AKR1C2: variants seen among roughly 807,000 people sequenced by gnomAD.
AKR1C2 encodes aldo-keto reductase family 1 member C2.
AKR1C2 carries 27 observed loss-of-function variants against 39.8 expected under a neutral mutation model. The ratio of observed to expected loss-of-function variants is 0.68; its 90% CI spans 0.50 to 0.93. AKR1C2 has a LOEUF of 0.93. AKR1C2 is among the 40% of genes least tolerant of loss of function. The pLI, the probability that AKR1C2 is intolerant of heterozygous loss-of-function variation, is 0.00. For synonymous variants in AKR1C2, 114 were observed against 137.9 expected, an observed-to-expected ratio of 0.83 and a Z score of 1.22; for missense variants, 263 against 365.1, an observed-to-expected ratio of 0.72 and a Z score of 2.28.
chr10:5,000,124 A>T lies in AKR1C2; in HGVS notation c.369+426T>A, dbSNP rs61856068. On this transcript the variant is annotated intron_variant, in intron 3 of 8. Coordinates refer to ENST00000380753, the MANE Select transcript of AKR1C2 (RefSeq NM_001393392.1). ...GGTTTGTAGTTTAAGACATTCCCGG[A>T]CTGAGTTCTTGCCCCTTGAAAAGAG... 102,152 of 1,246,120 alleles carry T rather than the reference A, an allele frequency of 0.082. 4,561 individuals carry two copies. The highest frequency in any genetic ancestry group is 0.11 in the Middle Eastern group (337 of 3,110). The allele number at this position is 1,246,120 out of a possible 1,614,324, so 77.2% of individuals were successfully genotyped here.
In AKR1C2 at chr10:5,003,618, G is replaced by A. The variant is rs1159747046; in HGVS notation, c.84+134C>T. On this transcript the variant is annotated intron_variant, in intron 1 of 8. Coordinates refer to ENST00000380753, the MANE Select transcript of AKR1C2 (RefSeq NM_001393392.1). ...GCAGTAGATGACCCTGTGACAAGAC[G>A]GCATTGCAGAACAAAGACTGACGTT... is the stretch of plus-strand genomic sequence containing the variant. The A allele has an allele frequency of 4.8e-5, 51 of 1,054,862 alleles. 1 individual carries two copies. The highest frequency in any genetic ancestry group is 3.3e-4 in the Admixed American group (18 of 55,094). The allele number at this position is 1,054,862 out of a possible 1,614,324, so 65.3% of individuals were successfully genotyped here.
intron 1 of AKR1C2, among the ~76,000 whole-genome samples, chr10:5,002,372 T>G (rs1837300239): frequency 1.3e-5 from 2 of 152,260 alleles, no homozygotes; most frequent in Admixed American, 1.3e-4. Context: ...AGCAGGTTTA[T>G]ATTGGAAATA....
At chr10:5,012,581 C>G (rs1837545705) in intron 1 of AKR1C2, among the ~76,000 whole-genome samples, 1 of 151,790 alleles carries the variant, frequency 6.6e-6, no homozygotes. Flanking sequence ...AACACATTCT[C>G]TGGAACCTGG....
rs566167986 is a variant in AKR1C2 at position 4,995,827 on chromosome 10, C to G, written c.609G>C (p.Leu203=). 8 of 1,612,284 alleles carry G rather than the reference C, an allele frequency of 5.0e-6. No individual in the cohort carries two copies. The change falls in exon 6 of 9, where the codon CTG becomes CTC. Residue 203 remains leucine, a synonymous_variant. Transcript: ENST00000380753. ...CAATGTCTTTTGACTTGCAGAAATC[C>G]AGCAGTTTTCTCTGGTTGAAGTAAG... ...CHPYFNQRKL[L]DFCKSKDIVL... is the part of the protein sequence containing the mutation.
At chr10:5,014,301 C>T (rs181051616) in intron 1 of AKR1C2, among the ~76,000 whole-genome samples, 12 of 152,226 alleles carry the variant, frequency 7.9e-5, no homozygotes, top group East Asian at 5.8e-4. Context: ...AACCTCTCTC[C>T]TATTGTCCAG....
upstream of AKR1C2, among the ~76,000 whole-genome samples, chr10:5,007,926 A>G (rs1180972813): frequency 1.3e-5 from 2 of 151,024 alleles, no homozygotes; most frequent in African/African-American, 4.9e-5. Flanking sequence ...GGCAGAAATT[A>G]AATCTTAAAG....
chr10:4,990,108 T>A, intron 8 of AKR1C2, 70 bp from the exon 9 acceptor site: 1 of 1,594,276 alleles, frequency 6.3e-7, no homozygotes, highest in East Asian at 2.2e-5. Context: ...GCGCAGTGAT[T>A]TCTAGGAAGC....
intron 2 of AKR1C2, 23 bp downstream of exon 2, chr10:5,001,491 C>T: frequency 6.2e-7 from 1 of 1,606,334 alleles, no homozygotes; most frequent in South Asian, 1.1e-5. Flanking sequence ...CATGTGCACA[C>T]AAGCTCATCA....
chr10:5,005,750 C>G (rs1473394414), upstream of AKR1C2, among the ~76,000 whole-genome samples: 4 of 152,052 alleles, frequency 2.6e-5, no homozygotes, highest in African/African-American at 7.2e-5. Flanking sequence ...AGAAATAAAT[C>G]AGTAGAAATC....
upstream of AKR1C2, among the ~76,000 whole-genome samples, chr10:5,005,502 G>A (rs1837384756): frequency 7.1e-6 from 1 of 139,902 alleles, no homozygotes; most frequent in East Asian, 2.1e-4. Context: ...CCAACATGGT[G>A]AAACCCCGTC....
upstream of AKR1C2, chr10:5,007,500 A>G (rs1478988956): frequency 2.0e-5 from 3 of 151,732 alleles, no homozygotes; most frequent in Non-Finnish European, 1.5e-5. Context: ...TGTCATTCCA[A>G]TGGTAACTAC....
chr10:4,992,672 C>T (rs1257965443), intron 7 of AKR1C2, among the ~76,000 whole-genome samples: 2 of 147,270 alleles, frequency 1.4e-5, no homozygotes, highest in Admixed American at 6.6e-5. Flanking sequence ...CAGTAATTGC[C>T]GGGCACGTTG....
chr10:5,007,971 A>G (rs1353820051), upstream of AKR1C2, among the ~76,000 whole-genome samples: 7 of 150,864 alleles, frequency 4.6e-5, no homozygotes, highest in African/African-American at 1.7e-4. Context: ...TATATTCTTC[A>G]TTCTGGGCAC....
chr10:4,993,521 T>C (rs1554772489), intron 7 of AKR1C2, among the ~76,000 whole-genome samples: 1 of 152,136 alleles, frequency 6.6e-6, no homozygotes, highest in East Asian at 1.9e-4. Flanking sequence ...AAGGAAAGAA[T>C]ATTAACAATT....
intron 1 of AKR1C2, among the ~76,000 whole-genome samples, chr10:5,017,141 AT>A: frequency 6.6e-6 from 1 of 152,246 alleles, no homozygotes; most frequent in Admixed American, 6.5e-5. Flanking sequence ...CCTTGGAGGC[AT>A]TTTTCCCTAT....
chr10:5,011,392 T>A (rs1837519801), intron 1 of AKR1C2, among the ~76,000 whole-genome samples: 1 of 152,210 alleles, frequency 6.6e-6, no homozygotes, highest in Non-Finnish European at 1.5e-5. Context: ...GTGCAATGTA[T>A]CTATGTAGCA....
Position 4,998,661 on chromosome 10 carries a change from G to A in AKR1C2, c.534C>T (p.Asn178=), listed in dbSNP as rs782281880. 1 of 1,614,204 alleles carries A rather than the reference G, an allele frequency of 6.2e-7. No individual in the cohort carries two copies. The highest frequency in any genetic ancestry group is 1.7e-5 in the Admixed American group (1 of 60,028). Residue 178 remains asparagine, a synonymous_variant, in exon 5 of 9, where the codon AAC becomes AAT. Transcript: ENST00000380753. ...FNHRLLEMIL[N]KPGLKYKPVC... ...CAGGCTTGTACTTGAGCCCTGGCTT[G>A]TTGAGGATCATCTCCAGCAGCCTGT...
intron 5 of AKR1C2, chr10:4,996,272 A>G (rs2904805): frequency 0.17 from 32,987 of 193,440 alleles, 3,792 homozygotes; most frequent in East Asian, 0.53. Flanking sequence ...ATGCATACAT[A>G]TATATGTATG....
chr10:4,997,276 A>G (rs1357781069), intron 5 of AKR1C2: 1 of 152,354 alleles, frequency 6.6e-6, no homozygotes, highest in Non-Finnish European at 1.5e-5. Flanking sequence ...AACTGATATC[A>G]AATACAACAA....
Sources: gnomAD v4.1 joint callset for allele counts (sites outside exome capture counted in the v4.1 genomes callset) on GRCh38, gnomAD v4.1.1 for gene constraint, MANE v1.5 for transcripts, NCBI Gene and HGNC (gene_info 2026-07-23, HGNC 2026-07-21) for gene names.